Variants in MYLK4 observed in about 807,000 individuals in gnomAD.
MYLK4 encodes the protein myosin light chain kinase family member 4.
MYLK4 carries 46 observed loss-of-function variants against 48.1 expected under a neutral mutation model. The ratio of observed to expected loss-of-function variants is 0.96; its 90% CI spans 0.75 to 1.22. The LOEUF is 1.22. MYLK4 is among the 50% of genes most tolerant of loss of function. The pLI is 0.00. For synonymous variants in MYLK4, 170 were observed against 180.8 expected, an observed-to-expected ratio of 0.94 and a Z score of 0.48; for missense variants, 451 against 486.1, an observed-to-expected ratio of 0.93 and a Z score of 0.68.
the MYLK4 span, among the ~76,000 whole-genome samples, chr6:2,767,493 G>T: frequency 1.3e-5 from 2 of 152,164 alleles, no homozygotes; most frequent in East Asian, 3.8e-4. Flanking sequence ...GGAATGAATT[G>T]CCCTTTTTGT....
the MYLK4 span, among the ~76,000 whole-genome samples, chr6:2,768,446 G>A: frequency 2.0e-5 from 3 of 152,240 alleles, no homozygotes; most frequent in African/African-American, 7.2e-5. Flanking sequence ...GGTGGTTAGG[G>A]ACAGAGGAGA....
chr6:2,761,360 T>C, the MYLK4 span, among the ~76,000 whole-genome samples: 2 of 152,336 alleles, frequency 1.3e-5, no homozygotes, highest in East Asian at 3.9e-4. Context: ...CGAGTTTAAA[T>C]TTATTTGTAT....
chr6:2,767,701 C>T, the MYLK4 span, among the ~76,000 whole-genome samples: 1 of 152,230 alleles, frequency 6.6e-6, no homozygotes, highest in Non-Finnish European at 1.5e-5. Flanking sequence ...AATGGATAAT[C>T]AGCTGTTGGT....
the MYLK4 span, chr6:2,769,974 A>G: frequency 6.8e-6 from 8 of 1,172,822 alleles, no homozygotes; most frequent in South Asian, 6.0e-5. Context: ...TATTGCATCT[A>G]TATTCAGTGA....
chr6:2,708,371 T>G (rs1398815439), intron 2 of MYLK4, among the ~76,000 whole-genome samples: 2 of 152,218 alleles, frequency 1.3e-5, no homozygotes. Context: ...AATACCAAAG[T>G]GCTGATCTTT....
intron 7 of MYLK4, chr6:2,680,562 G>T: frequency 1.0e-6 from 1 of 985,424 alleles, no homozygotes; most frequent in Non-Finnish European, 1.2e-6. Flanking sequence ...CTTGAGGGGA[G>T]CAAGAAAAGG....
intron 2 of MYLK4, among the ~76,000 whole-genome samples, chr6:2,739,514 C>T (rs1306721210): frequency 6.6e-6 from 1 of 152,158 alleles, no homozygotes; most frequent in Non-Finnish European, 1.5e-5. Context: ...GTGTCCCATT[C>T]ACTATGGAAA....
intron 2 of MYLK4, among the ~76,000 whole-genome samples, chr6:2,727,243 C>T (rs1763308735): frequency 6.6e-6 from 1 of 152,186 alleles, no homozygotes; most frequent in South Asian, 2.1e-4. Context: ...GAAGCCACTG[C>T]TCAGCCTTCA....
chr6:2,768,543 A>ATT, the MYLK4 span: 3 of 508,198 alleles, frequency 5.9e-6, no homozygotes, highest in Non-Finnish European at 9.9e-6. Context: ...GTCCTGTGGT[A>ATT]TTTTTGATTG....
chr6:2,726,014 CT>C (rs560356321), intron 2 of MYLK4, among the ~76,000 whole-genome samples: 3 of 152,296 alleles, frequency 2.0e-5, no homozygotes, highest in Admixed American at 2.0e-4. Flanking sequence ...ACCCTGGTCT[CT>C]TATCTTTAAG....
At chr6:2,699,713 C>T (rs879481961) in intron 2 of MYLK4, among the ~76,000 whole-genome samples, 2 of 152,120 alleles carry the variant, frequency 1.3e-5, no homozygotes, top group Non-Finnish European at 2.9e-5. Flanking sequence ...AAATATACTT[C>T]CAAGTTTTCT....
chr6:2,717,903 G>A (rs541312678), intron 2 of MYLK4, among the ~76,000 whole-genome samples: 7 of 152,114 alleles, frequency 4.6e-5, no homozygotes, highest in South Asian at 2.1e-4. Flanking sequence ...GACATCGGCC[G>A]GGTGCAGTGG....
In MYLK4 at chr6:2,667,495, C is replaced by G. The variant is rs911743151; in HGVS notation, c.*430G>C. 1 of 152,206 alleles carries G rather than the reference C, an allele frequency of 6.6e-6. No homozygotes were observed. The highest frequency in any genetic ancestry group is 2.4e-5 in the African/African-American group (1 of 41,422). The allele number at this position is 152,206 out of a possible 1,614,324, so 9.4% of individuals were successfully genotyped here. ...CCCTTCCAAAGGCATAGTCTAATGG[C>G]TGGAAGTAGCTTTCTCCCTCTAAAT... On this transcript the variant is annotated 3_prime_UTR_variant, in exon 13 of 13. Coordinates refer to ENST00000274643, the MANE Select transcript of MYLK4 (RefSeq NM_001012418.5).
upstream of MYLK4, among the ~76,000 whole-genome samples, chr6:2,752,085 TCCACCCGGACCA>T (rs1347362269): frequency 1.3e-5 from 2 of 152,080 alleles, no homozygotes; most frequent in Non-Finnish European, 2.9e-5. Flanking sequence ...AACCACATCC[TCCACCCGGACCA>T]CCACCACGCA....
At chr6:2,726,335 AG>A (rs1763274488) in intron 2 of MYLK4, among the ~76,000 whole-genome samples, 1 of 152,252 alleles carries the variant, frequency 6.6e-6, no homozygotes, top group African/African-American at 2.4e-5. Flanking sequence ...GGGCCAGCAG[AG>A]TCGTAGCCAT....
chr6:2,687,259 G>A (rs533644286), intron 4 of MYLK4, among the ~76,000 whole-genome samples: 3 of 152,326 alleles, frequency 2.0e-5, no homozygotes, highest in South Asian at 4.1e-4. Context: ...AGGAGGTGCA[G>A]CACTTGGTGA....
At chr6:2,745,174 G>C (rs1356146365) in intron 2 of MYLK4, among the ~76,000 whole-genome samples, 1 of 152,126 alleles carries the variant, frequency 6.6e-6, no homozygotes, top group African/African-American at 2.4e-5. Context: ...ATATCACCAG[G>C]CACATTTGTG....
At chr6:2,734,943 G>T (rs1188582024) in intron 2 of MYLK4, among the ~76,000 whole-genome samples, 1 of 152,198 alleles carries the variant, frequency 6.6e-6, no homozygotes, top group African/African-American at 2.4e-5. Context: ...CCCAGGGAAT[G>T]CTTGAGGCCC....
chr6:2,748,045 C>A (rs1006301947), intron 2 of MYLK4, among the ~76,000 whole-genome samples: 2 of 152,210 alleles, frequency 1.3e-5, no homozygotes, highest in African/African-American at 4.8e-5. Flanking sequence ...TATATACAAT[C>A]TCTCTATTTC....
Sources: allele counts gnomAD v4.1 joint callset (sites outside exome capture counted in the v4.1 genomes callset), GRCh38; gene constraint gnomAD v4.1.1; transcripts MANE v1.5; gene names NCBI Gene and HGNC (gene_info 2026-07-23, HGNC 2026-07-21).